MMS22L: variants seen among roughly 807,000 people sequenced by gnomAD.
MMS22L encodes the protein protein MMS22-like.
In MMS22L, 74 loss-of-function variants were observed where a neutral mutation model predicts 159.1. That is an observed-to-expected ratio of 0.47 (90% confidence interval 0.39 to 0.56). MMS22L has a LOEUF of 0.56. Ranked by LOEUF, MMS22L falls within the 20% of genes least tolerant of loss-of-function variation. The probability of loss-of-function intolerance (pLI) is 0.00; values close to 1 mark genes in which losing one functional copy is unlikely to be tolerated. For synonymous variants in MMS22L, 517 were observed against 506.9 expected (o/e 1.02, Z -0.27); for missense variants, 1,351 against 1,422.1 (o/e 0.95, Z 0.80).
chr6:97,211,466 A>C (rs577825425), intron 14 of MMS22L, among the ~76,000 whole-genome samples: 10 of 152,054 alleles, frequency 6.6e-5, no homozygotes, highest in Non-Finnish European at 1.0e-4. Flanking sequence ...TTCTTGACTT[A>C]ATCTTTCATT....
chr6:97,221,608 C>T (rs1483597627), intron 14 of MMS22L, among the ~76,000 whole-genome samples: 1 of 151,898 alleles, frequency 6.6e-6, no homozygotes, highest in Non-Finnish European at 1.5e-5. Context: ...ATATTTTATA[C>T]ATTCCTGAAA....
At chr6:97,222,248 A>G (rs912250447) in intron 14 of MMS22L, among the ~76,000 whole-genome samples, 10 of 152,162 alleles carry the variant, frequency 6.6e-5, no homozygotes, top group African/African-American at 2.4e-4. Flanking sequence ...CAAACACTTC[A>G]AATGTCAAAA....
chr6:97,193,917 C>T (rs555159869), intron 14 of MMS22L, among the ~76,000 whole-genome samples: 10 of 151,790 alleles, frequency 6.6e-5, no homozygotes, highest in East Asian at 5.9e-4. Context: ...CCCGCCACCA[C>T]GCCCAGCTAA....
At chr6:97,259,345 G>A (rs1814190918) in intron 9 of MMS22L, 1 of 152,176 alleles carries the variant, frequency 6.6e-6, no homozygotes. Flanking sequence ...TTCTGAGTGT[G>A]TCTATAAAGG....
At chr6:97,151,575 T>G in intron 23 of MMS22L, 196 bp downstream of exon 23, 1 of 506,604 alleles carries the variant, frequency 2.0e-6, no homozygotes, top group Non-Finnish European at 3.6e-6. Flanking sequence ...TCCCCTCACT[T>G]ATCTTTTTCA....
chr6:97,156,369 G>A (rs1801845326), intron 22 of MMS22L, among the ~76,000 whole-genome samples: 2 of 152,270 alleles, frequency 1.3e-5, no homozygotes, highest in Middle Eastern at 3.4e-3. Flanking sequence ...TGCTTTTGGT[G>A]TTTTAGTCAT....
At chr6:97,274,467 C>T (rs1816059431) in intron 4 of MMS22L, among the ~76,000 whole-genome samples, 1 of 152,278 alleles carries the variant, frequency 6.6e-6, no homozygotes, top group South Asian at 2.1e-4. Context: ...CCATCTCCCA[C>T]TGTAAAGCTG....
At chr6:97,246,933 T>C (rs1013398849) in intron 10 of MMS22L, among the ~76,000 whole-genome samples, 1 of 151,816 alleles carries the variant, frequency 6.6e-6, no homozygotes, top group African/African-American at 2.4e-5. Context: ...TCAGTAAGAT[T>C]ATAAATATTC....
chr6:97,265,778 A>C (rs1004802612), intron 8 of MMS22L: 2 of 151,850 alleles, frequency 1.3e-5, no homozygotes, highest in South Asian at 4.2e-4. Flanking sequence ...CAGTGGCACA[A>C]TATCGCAATA....
intron 4 of MMS22L, among the ~76,000 whole-genome samples, chr6:97,277,180 C>T (rs563774132): frequency 1.8e-3 from 278 of 152,096 alleles, no homozygotes; most frequent in African/African-American, 6.5e-3. Flanking sequence ...TTTGGGAGGC[C>T]GAGGTGGGTG....
chr6:97,275,055 C>T (rs1364473920), intron 4 of MMS22L, among the ~76,000 whole-genome samples: 1 of 152,106 alleles, frequency 6.6e-6, no homozygotes, highest in African/African-American at 2.4e-5. Flanking sequence ...TACACAATAG[C>T]GACCCATAAC....
At chr6:97,159,948 G>GTTTTTTTTTTTTTTTTTTTTTTTTTTTTT (rs368455553) in intron 22 of MMS22L, among the ~76,000 whole-genome samples, 1 of 97,180 alleles carries the variant, frequency 1.0e-5, no homozygotes. Context: ...TATCATTTCT[G>GTTTTTTTTTTTTTTTTTTTTTTTTTTTTT]TTTTTTTTTT....
intron 23 of MMS22L, 194 bp downstream of exon 23, chr6:97,151,577 T>A (rs758361548): frequency 3.1e-4 from 156 of 508,210 alleles, no homozygotes; most frequent in Non-Finnish European, 5.3e-4. Flanking sequence ...CCCTCACTTA[T>A]CTTTTTCACT....
At chr6:97,200,430 G>A (rs115764546) in intron 14 of MMS22L, among the ~76,000 whole-genome samples, 140 of 152,028 alleles carry the variant, frequency 9.2e-4, no homozygotes, top group African/African-American at 3.1e-3. Flanking sequence ...CCATTATTAG[G>A]GCTGAGAGCC....
At chr6:97,156,383 G>C (rs1801848162) in intron 22 of MMS22L, among the ~76,000 whole-genome samples, 1 of 152,150 alleles carries the variant, frequency 6.6e-6, no homozygotes, top group Admixed American at 6.5e-5. Flanking sequence ...TAGTCATGAA[G>C]TCTTTGCCCA....
intron 4 of MMS22L, 136 bp downstream of exon 4, chr6:97,278,713 C>T: frequency 1.7e-6 from 1 of 599,796 alleles, no homozygotes; most frequent in Non-Finnish European, 2.8e-6. Flanking sequence ...CTTTTCTGAA[C>T]ACTAAATTCG....
chr6:97,207,678 G>C (rs1057360934), intron 14 of MMS22L, among the ~76,000 whole-genome samples: 6 of 152,058 alleles, frequency 3.9e-5, no homozygotes, highest in Non-Finnish European at 8.8e-5. Flanking sequence ...AATTAACCCT[G>C]TTCAGAAAAA....
intron 3 of MMS22L, among the ~76,000 whole-genome samples, chr6:97,280,670 T>C (rs1298066534): frequency 1.3e-5 from 2 of 152,178 alleles, no homozygotes; most frequent in African/African-American, 2.4e-5. Flanking sequence ...GAAGTATTTA[T>C]GGGTGAAACG....
At chr6:97,191,731 C>G (rs1198880366) in intron 14 of MMS22L, among the ~76,000 whole-genome samples, 3 of 152,240 alleles carry the variant, frequency 2.0e-5, no homozygotes, top group African/African-American at 7.2e-5. Flanking sequence ...TTAGCTTCAG[C>G]TAAACTCACT....
Sources: gnomAD v4.1 joint callset for allele counts (sites outside exome capture counted in the v4.1 genomes callset) on GRCh38, gnomAD v4.1.1 for gene constraint, MANE v1.5 for transcripts, NCBI Gene and HGNC (gene_info 2026-07-23, HGNC 2026-07-21) for gene names.